Variants in MACF1 observed in about 807,000 individuals in gnomAD.
MACF1 encodes microtubule actin crosslinking factor 1, also known as microtubule-actin cross-linking factor 1.
A neutral mutation model predicts 854.8 loss-of-function variants in MACF1; 193 were observed. That is an observed-to-expected ratio of 0.23 (90% CI 0.20 to 0.25). The LOEUF is 0.25. MACF1 is among the 10% of genes least tolerant of loss of function. MACF1 has a pLI of 1.00. For missense variants in MACF1, 7,722 were observed against 8,929.1 expected (o/e 0.86, Z 5.45); for synonymous variants, 3,185 against 3,226.7 (o/e 0.99, Z 0.44).
At chr1:39,186,200 CTCTCTCTCTCTCTCTGTGTGTGTGTGTG>C (rs1327851903) in intron 2 of MACF1, among the ~76,000 whole-genome samples, 6 of 127,434 alleles carry the variant, frequency 4.7e-5, no homozygotes, top group African/African-American at 1.6e-4. Context: ...CTCTCTCTCT[CTCTCTCTCTCTCTCTGTGTGTGTGTGTG>C]TGTGTGTGTG....
chr1:39,307,170 C>T (rs922432057), intron 23 of MACF1, among the ~76,000 whole-genome samples: 12 of 151,984 alleles, frequency 7.9e-5, no homozygotes, highest in East Asian at 3.9e-4. Flanking sequence ...CCACCATGCC[C>T]GCCTGGAAAT....
chr1:39,156,045 A>T (rs1643678209), intron 2 of MACF1, among the ~76,000 whole-genome samples: 1 of 151,972 alleles, frequency 6.6e-6, no homozygotes, highest in African/African-American at 2.4e-5. Context: ...CCGCCACCGC[A>T]CCCAGCTAAT....
At chr1:39,377,453 TA>T (rs1227788879) in intron 52 of MACF1, among the ~76,000 whole-genome samples, 1 of 152,240 alleles carries the variant, frequency 6.6e-6, no homozygotes, top group Non-Finnish European at 1.5e-5. Flanking sequence ...ACCTGATTTT[TA>T]CCTATCTTGG....
intron 58 of MACF1, chr1:39,410,527 C>T (rs763097244): frequency 1.2e-6 from 2 of 1,613,968 alleles, no homozygotes; most frequent in Middle Eastern, 1.6e-4. Context: ...ATCTAGAGCA[C>T]CAGAAGGTAA....
chr1:39,208,612 CCTGA>C (rs1285777204), intron 1 of MACF1, among the ~76,000 whole-genome samples: 6 of 152,130 alleles, frequency 3.9e-5, no homozygotes, highest in South Asian at 4.2e-4. Context: ...TGCCACCACG[CCTGA>C]CTAATTTTTT....
chr1:39,414,473 A>T, intron 58 of MACF1: 2 of 1,613,996 alleles, frequency 1.2e-6, no homozygotes, highest in Non-Finnish European at 1.7e-6. Flanking sequence ...TTAAATTCAG[A>T]TGAGGTAATT....
chr1:39,334,104 G>A lies in MACF1; in HGVS notation c.7516G>A (p.Gly2506Ser). ...GTTGACTAAGCAAGTGGTAGATGGA[G>A]GTATCATTCACCATATATCTGGGAT... ...RLLTKQVVDG[G>S]IIHHISGMRL... Residue 2506 changes from glycine (G) to serine (S), a missense_variant, in exon 37 of 101, where the codon GGT becomes AGT. By Grantham distance (56) the Gly-to-Ser change is moderately conservative. This residue lies in a region of MACF1 where 1,531 missense variants were observed against 1,601.6 expected (regional missense o/e 0.96). Coordinates refer to ENST00000564288, the MANE Select transcript of MACF1 (RefSeq NM_001394062.1). The A allele has an allele frequency of 5.0e-6, 8 of 1,614,134 alleles. No homozygotes were observed. The highest frequency in any genetic ancestry group is 2.2e-5 in the South Asian group (2 of 91,076).
chr1:39,123,621 C>T (rs1642777253), intron 2 of MACF1, among the ~76,000 whole-genome samples: 1 of 151,644 alleles, frequency 6.6e-6, no homozygotes, highest in East Asian at 1.9e-4. Context: ...TCACTGCAGC[C>T]TCAATCTCCC....
At position 39,105,861 on chromosome 1, in the gene MACF1, C is replaced by T. The variant is rs1168211128; in HGVS notation, c.220+21423C>T. The T allele has an allele frequency of 9.7e-6, 6 of 620,390 alleles. No homozygotes were observed. The highest frequency in any genetic ancestry group is 7.0e-5 in the South Asian group (1 of 14,198). The allele number at this position is 620,390 out of a possible 1,614,324, so 38.4% of individuals were successfully genotyped here. A position where few individuals can be genotyped will look rare whatever the true frequency, so the allele number is the denominator to read the frequency against. ...GGCTTGGCCCTGAGCTGCTGCTTCT[C>T]GGGGCCAGTTTATTTACAGAGTTGA... On this transcript the variant is annotated intron_variant, in intron 2 of 93. Coordinates refer to the MACF1 transcript ENST00000361689. The surrounding 1 kb of genome is among the most constrained non-coding windows in gnomAD (Gnocchi z 5.9).
chr1:39,462,571 C>T (rs1353371923), intron 93 of MACF1, among the ~76,000 whole-genome samples: 2 of 149,226 alleles, frequency 1.3e-5, no homozygotes, highest in Non-Finnish European at 3.0e-5. Context: ...AAAAATTAGC[C>T]AGGTGTGGTG....
intron 96 of MACF1, among the ~76,000 whole-genome samples, chr1:39,469,192 T>C (rs977436680): frequency 6.6e-6 from 1 of 152,128 alleles, no homozygotes; most frequent in Non-Finnish European, 1.5e-5. Flanking sequence ...CACCTACATG[T>C]GAGCCCATTC....
rs185132518 is a variant in MACF1, at chr1:39,452,111, C to A, written c.20419-45C>A. The A allele has an allele frequency of 2.1e-4, 312 of 1,497,354 alleles. 1 individual carries two copies. The African/African-American group carries it at 3.9e-3, about 19-fold the overall frequency. The allele number at this position is 1,497,354 out of a possible 1,614,324, so 92.8% of individuals were successfully genotyped here. On this transcript the variant is annotated intron_variant, in intron 85 of 100. Coordinates refer to ENST00000564288, the MANE Select transcript of MACF1 (RefSeq NM_001394062.1). ...TTATTTCCCAGTGGTTTCTTGGACTCAAAACATTCCTTGAACAAACAAATT... is the reference window on the plus strand; with the variant it reads ...TTATTTCCCAGTGGTTTCTTGGACTAAAAACATTCCTTGAACAAACAAATT...
Position 39,315,549 on chromosome 1 carries a change from T to G in MACF1, c.3307T>G (p.Leu1103Val). Residue 1103 changes from leucine (L) to valine (V), a missense_variant, in exon 27 of 101, where the codon TTG becomes GTG. Transcript: ENST00000564288. ...GGATTTACAGCAATTGAGGTCAGACTTGGATGCAGTTTCTATGAAATGTGA... is the reference window on the plus strand; with the variant it reads ...GGATTTACAGCAATTGAGGTCAGACGTGGATGCAGTTTCTATGAAATGTGA... ...QEDLQQLRSD[L>V]DAVSMKCDSF... 6.2e-7 allele frequency: 1 copy of G among 1,614,174 alleles called. No homozygotes were observed. The highest frequency in any genetic ancestry group is 1.1e-5 in the South Asian group (1 of 91,084).
intron 2 of MACF1, among the ~76,000 whole-genome samples, chr1:39,098,955 T>C (rs1642000262): frequency 6.6e-6 from 1 of 152,180 alleles, no homozygotes; most frequent in African/African-American, 2.4e-5. Context: ...CCCAAGAGGC[T>C]GGTGGAGCTT....
chr1:39,412,623 G>A (rs1428132426), intron 58 of MACF1: 2 of 1,614,034 alleles, frequency 1.2e-6, no homozygotes, highest in South Asian at 2.2e-5. Context: ...CAAAGCCTGA[G>A]CTGAATGTGG....
intron 97 of MACF1, among the ~76,000 whole-genome samples, chr1:39,473,221 CAGCAGTCATTTAATG>C (rs1287741876): frequency 6.6e-6 from 1 of 152,214 alleles, no homozygotes; most frequent in African/African-American, 2.4e-5. Context: ...TTTGGGCCCT[CAGCAGTCATTTAATG>C]AGGCGTTACA....
intron 28 of MACF1, among the ~76,000 whole-genome samples, 176 bp downstream of exon 28, chr1:39,316,705 C>T (rs1416942779): frequency 6.6e-6 from 1 of 152,202 alleles, no homozygotes; most frequent in Non-Finnish European, 1.5e-5. Flanking sequence ...AGAAGTATGT[C>T]TAGCTAGAAA....
At position 39,340,791 on chromosome 1, in the gene MACF1, A is replaced by G; in HGVS notation, c.10432-13A>G. The stretch of plus-strand genomic sequence containing the variant: ...GGAGATTTTCATAATGTGATTTTCC[A>G]TTTATTTCTTAGACTAAAGTGTTAA... On this transcript the variant is annotated splice_polypyrimidine_tract_variant and intron_variant, in intron 39 of 100. Transcript: ENST00000564288. 3 of 1,612,118 alleles carry G rather than the reference A, an allele frequency of 1.9e-6. No individual in the cohort carries two copies. The highest frequency in any genetic ancestry group is 2.5e-6 in the Non-Finnish European group (3 of 1,179,306).
intron 2 of MACF1, among the ~76,000 whole-genome samples, chr1:39,158,079 T>C (rs1315833720): frequency 6.6e-6 from 1 of 152,230 alleles, no homozygotes; most frequent in Non-Finnish European, 1.5e-5. Flanking sequence ...AGTTATAATA[T>C]GGGTAGCTTA....
Sources: gnomAD v4.1 joint callset for allele counts (sites outside exome capture counted in the v4.1 genomes callset) on GRCh38, gnomAD v4.1.1 for gene constraint, gnomAD v4.1.1 regional missense constraint, Gnocchi (gnomAD v3.1) non-coding constraint, MANE v1.5 for transcripts, NCBI Gene and HGNC (gene_info 2026-07-23, HGNC 2026-07-21) for gene names.